FOXP1: variants seen among roughly 807,000 people sequenced by gnomAD.
FOXP1 encodes the protein forkhead box P1.
In FOXP1, 15 loss-of-function variants were observed where a neutral mutation model predicts 98.2. That is an observed-to-expected ratio of 0.15 (90% confidence interval 0.10 to 0.24). The LOEUF (loss-of-function observed/expected upper bound fraction) is 0.24, where lower values mean the gene tolerates loss of function less well. Among genes scored for constraint, FOXP1 ranks in the 10% least tolerant of loss-of-function variants. The probability of loss-of-function intolerance (pLI) is 1.00; values close to 1 mark genes in which losing one functional copy is unlikely to be tolerated. For synonymous variants in FOXP1, 371 were observed against 314.5 expected (o/e 1.18, Z -1.90); for missense variants, 633 against 848.5 (o/e 0.75, Z 3.15).
chr3:70,972,708 AT>A (rs1350775082), intron 17 of FOXP1, 32 bp from the exon 18 acceptor site: 1 of 1,611,372 alleles, frequency 6.2e-7, no homozygotes, highest in Non-Finnish European at 8.5e-7. Context: ...GAACATTTAC[AT>A]TTTCTATAAG....
intron 3 of FOXP1, among the ~76,000 whole-genome samples, chr3:71,418,304 C>T (rs1311928863): frequency 6.6e-6 from 1 of 152,166 alleles, no homozygotes; most frequent in African/African-American, 2.4e-5. Flanking sequence ...CTCAACTCAA[C>T]AAGATGCATG....
intron 11 of FOXP1, among the ~76,000 whole-genome samples, chr3:71,019,444 A>G (rs2045059961): frequency 6.6e-6 from 1 of 152,226 alleles, no homozygotes; most frequent in East Asian, 1.9e-4. Flanking sequence ...CAATTGTTTA[A>G]TAAGGTGTAT....
Position 71,219,466 on chromosome 3 carries a change from C to T in FOXP1, c.-11-21074G>A, listed in dbSNP as rs192470139. Among the ~76,000 whole-genome samples the T allele has an allele frequency of 6.6e-4, 101 of 152,274 alleles. 3 individuals carry two copies. The highest frequency in any genetic ancestry group is 3.4e-3 in the Middle Eastern group (1 of 294). ...TTTAAAAACCAATACCTAATTCAGT[C>T]ATCAGAAAATGTTTAAGTATGTCTT... On this transcript the variant is annotated intron_variant, in intron 5 of 20. Coordinates refer to ENST00000649528, the MANE Select transcript of FOXP1 (RefSeq NM_001349338.3).
chr3:71,067,731 T>TACACACACAC (rs6147878), intron 7 of FOXP1, among the ~76,000 whole-genome samples: 11,739 of 126,478 alleles, frequency 0.093, 668 homozygotes, highest in East Asian at 0.18. Flanking sequence ...TCTCCAAAAA[T>TACACACACAC]ACACACACAC....
intron 5 of FOXP1, among the ~76,000 whole-genome samples, chr3:71,221,050 G>A (rs571610645): frequency 3.9e-5 from 6 of 152,182 alleles, no homozygotes; most frequent in South Asian, 4.1e-4. Flanking sequence ...ATTTTAGAGC[G>A]GGGTCCCCAG....
intron 6 of FOXP1, chr3:71,130,976 C>A: frequency 1.7e-6 from 2 of 1,150,480 alleles, no homozygotes; most frequent in Non-Finnish European, 2.1e-6. Context: ...GACAAATACA[C>A]ACCAACAGGG....
rs150305204 is a variant in FOXP1, at chr3:71,247,882, A to G, written c.-11-49490T>C. ...GGACATGTCCCAAGAATGATACTCAACTACTAGCATTCCATAGGAACTATT... is the reference window on the plus strand; with the variant it reads ...GGACATGTCCCAAGAATGATACTCAGCTACTAGCATTCCATAGGAACTATT... On this transcript the variant is annotated intron_variant, in intron 5 of 20. Transcript: ENST00000649528. Among the ~76,000 whole-genome samples, 508 of 152,304 alleles carry G rather than the reference A, an allele frequency of 3.3e-3. 2 individuals carry two copies. Among genetic ancestry groups the G allele is most frequent in the African/African-American group, 0.011 (470 of 41,558 alleles).
intron 3 of FOXP1, among the ~76,000 whole-genome samples, chr3:71,409,246 T>C (rs961513571): frequency 6.6e-6 from 1 of 152,204 alleles, no homozygotes; most frequent in Non-Finnish European, 1.5e-5. Context: ...TCCTGATTTA[T>C]TTCCTCCATA....
chr3:71,476,743 A>G (rs529846640), intron 3 of FOXP1, among the ~76,000 whole-genome samples: 1 of 149,908 alleles, frequency 6.7e-6, no homozygotes, highest in Admixed American at 6.7e-5. Context: ...GCGTCACGTG[A>G]TCTGCCCACC....
At chr3:71,280,069 G>A (rs1288820) in intron 5 of FOXP1, among the ~76,000 whole-genome samples, 109 of 146,390 alleles carry the variant, frequency 7.4e-4, no homozygotes, top group African/African-American at 2.6e-3. Context: ...GTTGCAGCGA[G>A]CTGAGACTGC....
intron 9 of FOXP1, among the ~76,000 whole-genome samples, chr3:71,048,600 C>A (rs2049370339): frequency 6.6e-6 from 1 of 152,126 alleles, no homozygotes; most frequent in Admixed American, 6.5e-5. Context: ...GAACAGCATG[C>A]ATAAAATGAT....
chr3:71,238,879 T>G lies in FOXP1; in HGVS notation c.-11-40487A>C, dbSNP rs188071382. ...TCTCAACATCATCATGTATATTTAATAGCTTTACACTTTAGAGAGCATTTT... is the reference window on the plus strand; with the variant it reads ...TCTCAACATCATCATGTATATTTAAGAGCTTTACACTTTAGAGAGCATTTT... On this transcript the variant is annotated intron_variant, in intron 5 of 20. Transcript: ENST00000649528. Among the ~76,000 whole-genome samples the G allele has an allele frequency of 3.9e-5, 6 of 152,370 alleles. No individual in the cohort carries two copies. The East Asian group carries it at 9.6e-4, about 24-fold the overall frequency.
chr3:71,248,403 A>T (rs1015831223), intron 5 of FOXP1, among the ~76,000 whole-genome samples: 1 of 152,196 alleles, frequency 6.6e-6, no homozygotes, highest in South Asian at 2.1e-4. Flanking sequence ...CCACAGTCAG[A>T]AAGAACTCAA....
intron 5 of FOXP1, among the ~76,000 whole-genome samples, chr3:71,238,630 G>C (rs894149323): frequency 3.3e-5 from 5 of 152,162 alleles, no homozygotes; most frequent in African/African-American, 1.2e-4. Context: ...AAAAGCTATT[G>C]GTAAGATTCT....
chr3:71,268,085 C>CTTTTTTTTTTTTTTTTT (rs2069894742), intron 5 of FOXP1, among the ~76,000 whole-genome samples: 1 of 112,254 alleles, frequency 8.9e-6, no homozygotes. Context: ...TTTTTCTTTT[C>CTTTTTTTTTTTTTTTTT]TTTTCTTTTT....
chr3:70,981,382 T>A (rs1331109411), intron 14 of FOXP1, among the ~76,000 whole-genome samples: 1 of 152,038 alleles, frequency 6.6e-6, no homozygotes, highest in African/African-American at 2.4e-5. Context: ...ACACCGTGAT[T>A]CACACCCACT....
At chr3:71,276,224 T>C (rs2070870958) in intron 5 of FOXP1, 2 of 152,204 alleles carry the variant, frequency 1.3e-5, no homozygotes, top group South Asian at 2.1e-4. Context: ...TTTCTCTGCA[T>C]GGTCTTCAGT....
Position 71,338,069 on chromosome 3 carries a change from G to A in FOXP1, c.-73+21081C>T, listed in dbSNP as rs572535614. 1.7e-4 allele frequency among the ~76,000 whole-genome samples: 26 copies of A among 152,236 alleles called. No individual in the cohort carries two copies. The South Asian group carries it at 4.1e-3, about 24-fold the overall frequency. ...CTGAAGAGATTCGAAAGAGGTGTAC[G>A]AAAGGAAAAAATGAAAGCATGGCTT... On this transcript the variant is annotated intron_variant, in intron 4 of 20. Coordinates refer to ENST00000649528, the MANE Select transcript of FOXP1 (RefSeq NM_001349338.3).
At chr3:71,535,492 GC>G (rs1259541340) in intron 2 of FOXP1, among the ~76,000 whole-genome samples, 1 of 152,038 alleles carries the variant, frequency 6.6e-6, no homozygotes, top group Non-Finnish European at 1.5e-5. Flanking sequence ...ATCACTTGAG[GC>G]CAGGAGTTCG....
Sources: gnomAD v4.1 joint callset for allele counts (sites outside exome capture counted in the v4.1 genomes callset) on GRCh38, gnomAD v4.1.1 for gene constraint, MANE v1.5 for transcripts, NCBI Gene and HGNC (gene_info 2026-07-23, HGNC 2026-07-21) for gene names.